C6orf118: variants seen among roughly 807,000 people sequenced by gnomAD.
The protein encoded by C6orf118 is chromosome 6 open reading frame 118, also known as uncharacterized protein C6orf118.
Under a neutral mutation model 50.2 loss-of-function variants are expected in C6orf118, and 50 were observed. That is an observed-to-expected ratio of 1.00 (90% confidence interval 0.79 to 1.26). C6orf118 has a LOEUF of 1.26. Ranked by LOEUF, C6orf118 falls within the 50% of genes most tolerant of loss-of-function variation. C6orf118 has a pLI of 0.00. For synonymous variants in C6orf118, 239 were observed against 230.9 expected (o/e 1.03, Z -0.32); for missense variants, 641 against 578.7 (o/e 1.11, Z -1.10).
chr6:165,294,354 T>C (rs1780220484), intron 5 of C6orf118, among the ~76,000 whole-genome samples: 1 of 152,072 alleles, frequency 6.6e-6, no homozygotes, highest in Non-Finnish European at 1.5e-5. Context: ...TCTGCTTGGT[T>C]CAGAGTAACC....
At position 165,300,588 on chromosome 6, in the gene C6orf118, C is replaced by A. The variant is rs147639248; in HGVS notation, c.754-102G>T. 1.7e-3 allele frequency: 1,984 copies of A among 1,147,934 alleles called. 19 individuals carry two copies. In the African/African-American group the frequency reaches 0.027, roughly 16 times the overall value. 71.1% of individuals were successfully genotyped at this position (1,147,934 alleles called of 1,614,324 possible). On this transcript the variant is annotated intron_variant, in intron 2 of 8. Coordinates refer to ENST00000230301, the MANE Select transcript of C6orf118 (RefSeq NM_144980.4). ...GAGGACACAGCTGCCATCACCCTGG[C>A]GAGTGGGCGGGGCGGCACAGGGGGC...
At chr6:165,280,307 T>C (rs773676576) in intron 8 of C6orf118, among the ~76,000 whole-genome samples, 197 bp from the exon 9 acceptor site, 6 of 152,220 alleles carry the variant, frequency 3.9e-5, no homozygotes, top group Non-Finnish European at 5.9e-5. Flanking sequence ...TCTAAATAGA[T>C]AGATGGATTC....
intron 6 of C6orf118, among the ~76,000 whole-genome samples, chr6:165,292,945 G>T (rs79003830): frequency 6.6e-6 from 1 of 152,044 alleles, no homozygotes; most frequent in African/African-American, 2.4e-5. Flanking sequence ...CTGAGAAAAA[G>T]TATCTAAAAA....
At chr6:165,284,211 G>A (rs554174269) in intron 7 of C6orf118, among the ~76,000 whole-genome samples, 1 of 152,210 alleles carries the variant, frequency 6.6e-6, no homozygotes, top group East Asian at 1.9e-4. Flanking sequence ...AATAGACCAA[G>A]TGGAGGAAAT....
At chr6:165,302,321 C>T (rs1780589164) in intron 1 of C6orf118, 25 bp from the exon 2 acceptor site, 2 of 1,600,148 alleles carry the variant, frequency 1.2e-6, no homozygotes, top group African/African-American at 1.4e-5. Context: ...AAAGGAGGCT[C>T]TTAGGGATCG....
At chr6:165,283,251 G>A (rs555632941) in intron 7 of C6orf118, among the ~76,000 whole-genome samples, 9 of 152,238 alleles carry the variant, frequency 5.9e-5, no homozygotes, top group South Asian at 2.1e-4. Flanking sequence ...GGGACCTTCC[G>A]CTCCCAGCCA....
intron 7 of C6orf118, among the ~76,000 whole-genome samples, chr6:165,286,858 C>G (rs1182467326): frequency 6.6e-6 from 1 of 152,094 alleles, no homozygotes; most frequent in Non-Finnish European, 1.5e-5. Flanking sequence ...CTCTTTAAAA[C>G]TGGCATGCAC....
intron 7 of C6orf118, among the ~76,000 whole-genome samples, chr6:165,287,219 C>G (rs1317703332): frequency 6.6e-6 from 1 of 152,054 alleles, no homozygotes; most frequent in Non-Finnish European, 1.5e-5. Context: ...ATATAGCCAA[C>G]AAGAGAAGTG....
chr6:165,293,369 C>A (rs932704570), intron 6 of C6orf118, 44 bp downstream of exon 6: 2 of 1,579,868 alleles, frequency 1.3e-6, no homozygotes, highest in Non-Finnish European at 1.7e-6. Flanking sequence ...TAATGAAGGT[C>A]ACAGCAAAGC....
rs184328365 is a variant in C6orf118, at chr6:165,290,546, C to A, written c.1121-479G>T. Among the ~76,000 whole-genome samples the A allele has an allele frequency of 4.6e-5, 7 of 152,182 alleles. No homozygotes were observed. In the East Asian group the frequency reaches 5.8e-4, roughly 13 times the overall value. ...CAAGCAGAAGGGTTTTGGAAGGGAG[C>A]AGAAGACAGAATTTAGACATTGAGG... On this transcript the variant is annotated intron_variant, in intron 6 of 8. Coordinates refer to ENST00000230301, the MANE Select transcript of C6orf118 (RefSeq NM_144980.4).
intron 6 of C6orf118, among the ~76,000 whole-genome samples, chr6:165,291,468 A>T (rs1273759873): frequency 3.3e-5 from 5 of 152,146 alleles, no homozygotes; most frequent in Non-Finnish European, 7.3e-5. Flanking sequence ...TGCCTGGCAC[A>T]TGTTCTATGG....
Position 165,289,926 on chromosome 6 carries a change from C to G in C6orf118, c.1262G>C (p.Gly421Ala), listed in dbSNP as rs758853353. ...CCTATTCTCAGTGATATCTGAAATT[C>G]CAGTATGAACCAAAGTTGTTTTAAT... ...KEIKTTLVHT[G>A]ISDITENRIK... The change falls in exon 7 of 9, where the codon GGA (glycine) becomes GCA (alanine). Residue 421 changes from glycine (G) to alanine (A), a missense_variant. Physicochemically the swap from Gly to Ala is moderately conservative, Grantham distance 60. Transcript: ENST00000230301. 6.2e-7 allele frequency: 1 copy of G among 1,608,764 alleles called. No homozygotes were observed. The highest frequency in any genetic ancestry group is 8.5e-7 in the Non-Finnish European group (1 of 1,177,816).
At chr6:165,281,090 A>C (rs1779713777) in intron 8 of C6orf118, among the ~76,000 whole-genome samples, 1 of 152,192 alleles carries the variant, frequency 6.6e-6, no homozygotes, top group African/African-American at 2.4e-5. Context: ...AAATGATATA[A>C]ATCAGCTACT....
At position 165,282,678 on chromosome 6, in the gene C6orf118, C is replaced by T. The variant is rs1265339359; in HGVS notation, c.1303-985G>A. On this transcript the variant is annotated intron_variant, in intron 7 of 8. Coordinates refer to ENST00000230301, the MANE Select transcript of C6orf118 (RefSeq NM_144980.4). ...TTTTTTTTTCCTGGTTGGAAATAGT[C>T]TATTTGAAATCTAGAACCAGATACC... 7.1e-4 allele frequency among the ~76,000 whole-genome samples: 86 copies of T among 121,580 alleles called. 1 individual carries two copies. Among genetic ancestry groups the T allele is most frequent in the African/African-American group, 2.3e-3 (75 of 33,162 alleles). 79.8% of individuals were successfully genotyped at this position (121,580 alleles called of 152,430 possible). A position where few individuals can be genotyped will look rare whatever the true frequency, so the allele number is the denominator to read the frequency against.
Position 165,289,910 on chromosome 6 carries a change from A to G in C6orf118, c.1278T>C (p.Thr426=), listed in dbSNP as rs759221879. 3.1e-6 allele frequency: 5 copies of G among 1,604,500 alleles called. No individual in the cohort carries two copies. The highest frequency in any genetic ancestry group is 1.7e-5 in the Admixed American group (1 of 57,986). ...TLVHTGISDI[T]ENRIKSIEHE... is the part of the protein sequence containing the mutation. ...CCTCTATGCTTTTAATCCTATTCTC[A>G]GTGATATCTGAAATTCCAGTATGAA... Residue 426 remains threonine, a synonymous_variant, in exon 7 of 9, where the codon ACT becomes ACC. Transcript: ENST00000230301.
At chr6:165,309,159 G>A (rs1562341485) in intron 1 of C6orf118, among the ~76,000 whole-genome samples, 3 of 152,256 alleles carry the variant, frequency 2.0e-5, no homozygotes, top group African/African-American at 7.2e-5. Flanking sequence ...ATTTATAGGA[G>A]CGCGGAAAGG....
At chr6:165,286,808 A>C (rs6932048) in intron 7 of C6orf118, among the ~76,000 whole-genome samples, 3,390 of 152,214 alleles carry the variant, frequency 0.022, 127 homozygotes, top group African/African-American at 0.079. Context: ...ACAAACCTAC[A>C]TCCAATATTA....
chr6:165,283,162 G>A (rs1298058655), intron 7 of C6orf118, among the ~76,000 whole-genome samples: 5 of 152,054 alleles, frequency 3.3e-5, no homozygotes, highest in Non-Finnish European at 7.4e-5. Flanking sequence ...CTCTCACTGG[G>A]ACTGACTAGG....
chr6:165,280,003 T>G lies in C6orf118; in HGVS notation c.*54A>C. The G allele has an allele frequency of 2.0e-6, 3 of 1,530,092 alleles. No homozygotes were observed. The highest frequency in any genetic ancestry group is 2.7e-6 in the Non-Finnish European group (3 of 1,122,502). The allele number at this position is 1,530,092 out of a possible 1,614,324, so 94.8% of individuals were successfully genotyped here. Reference sequence around the variant, plus strand: ...TATATGCATCTGCAAATATCCATGCTACATACATGGAAGTTAAGAATTTCC... The same window carrying G: ...TATATGCATCTGCAAATATCCATGCGACATACATGGAAGTTAAGAATTTCC... On this transcript the variant is annotated 3_prime_UTR_variant, in exon 9 of 9. Transcript: ENST00000230301.
Sources: allele counts gnomAD v4.1 joint callset (sites outside exome capture counted in the v4.1 genomes callset), GRCh38; gene constraint gnomAD v4.1.1; transcripts MANE v1.5; gene names NCBI Gene and HGNC (gene_info 2026-07-23, HGNC 2026-07-21).